Variants in SAMD12 observed in about 807,000 individuals in gnomAD.
The protein encoded by SAMD12 is sterile alpha motif domain containing 12.
SAMD12 carries 9 observed loss-of-function variants against 15.0 expected under a neutral mutation model. The observed-to-expected ratio is 0.60, with a 90% CI of 0.36 to 1.05. The LOEUF (loss-of-function observed/expected upper bound fraction) is 1.05. Among genes scored for constraint, SAMD12 ranks in the 50% least tolerant of loss-of-function variants. The pLI is 0.01. For synonymous variants in SAMD12, 86 were observed against 90.1 expected, an observed-to-expected ratio of 0.96 and a Z score of 0.25; for missense variants, 230 against 234.2, an observed-to-expected ratio of 0.98 and a Z score of 0.12.
chr8:118,193,111 G>C (rs1699837290), exon 5 of SAMD12: 1 of 152,184 alleles, frequency 6.6e-6, no homozygotes, highest in South Asian at 2.1e-4. Flanking sequence ...TTAGATTTTA[G>C]AAACAGTGCT....
At chr8:118,242,524 T>G (rs1232853838) in intron 4 of SAMD12, among the ~76,000 whole-genome samples, 1 of 152,172 alleles carries the variant, frequency 6.6e-6, no homozygotes, top group Non-Finnish European at 1.5e-5. Flanking sequence ...TTATATTAGT[T>G]GTTGTTAATC....
chr8:118,513,663 T>C (rs1018449262), intron 2 of SAMD12, among the ~76,000 whole-genome samples: 31 of 152,028 alleles, frequency 2.0e-4, no homozygotes, highest in Admixed American at 7.9e-4. Context: ...AAGTAGACAG[T>C]TGGGGTTGGG....
chr8:118,255,192 GTGGACCTTACCCTT>G (rs1457696575), intron 4 of SAMD12, among the ~76,000 whole-genome samples: 1 of 151,980 alleles, frequency 6.6e-6, no homozygotes, highest in Non-Finnish European at 1.5e-5. Context: ...AGAGCCAGGT[GTGGACCTTACCCTT>G]TATTTCATAA....
chr8:118,565,742 C>CCT (rs1271320900), intron 2 of SAMD12, among the ~76,000 whole-genome samples: 3 of 152,154 alleles, frequency 2.0e-5, no homozygotes, highest in Non-Finnish European at 2.9e-5. Flanking sequence ...CCTTATTCTC[C>CCT]CTCTCTCTCT....
intron 4 of SAMD12, among the ~76,000 whole-genome samples, chr8:118,276,283 A>G (rs1813471985): frequency 6.6e-6 from 1 of 152,236 alleles, no homozygotes; most frequent in Non-Finnish European, 1.5e-5. Context: ...TGTCTTAAAT[A>G]TTTGGAGCTA....
At chr8:118,544,538 G>A (rs1039214598) in intron 2 of SAMD12, among the ~76,000 whole-genome samples, 3 of 152,234 alleles carry the variant, frequency 2.0e-5, no homozygotes, top group South Asian at 4.1e-4. Context: ...GTCAGTCAAA[G>A]AGTGTACACG....
intron 2 of SAMD12, among the ~76,000 whole-genome samples, chr8:118,579,114 T>C (rs565357198): frequency 6.6e-5 from 10 of 152,322 alleles, no homozygotes; most frequent in Admixed American, 2.0e-4. Flanking sequence ...AAATTTTGTA[T>C]ATTACCAATA....
At chr8:118,598,950 C>A (rs1827789756) in intron 1 of SAMD12, among the ~76,000 whole-genome samples, 1 of 152,188 alleles carries the variant, frequency 6.6e-6, no homozygotes, top group Non-Finnish European at 1.5e-5. Flanking sequence ...ACTCACAATC[C>A]CCAAACTGTG....
chr8:118,239,449 A>T (rs1442372982), intron 4 of SAMD12, among the ~76,000 whole-genome samples: 1 of 152,116 alleles, frequency 6.6e-6, no homozygotes, highest in Non-Finnish European at 1.5e-5. Flanking sequence ...CTCTTCTATT[A>T]CTGAGTACCT....
At chr8:118,611,283 C>T (rs921579216) in intron 1 of SAMD12, among the ~76,000 whole-genome samples, 5 of 151,930 alleles carry the variant, frequency 3.3e-5, no homozygotes, top group African/African-American at 4.8e-5. Context: ...ATCTACTAAA[C>T]GACCACAATG....
At chr8:118,550,742 T>C (rs868213970) in intron 2 of SAMD12, among the ~76,000 whole-genome samples, 30 of 151,486 alleles carry the variant, frequency 2.0e-4, no homozygotes, top group Middle Eastern at 6.8e-3. Flanking sequence ...GCAAATTGGA[T>C]AAAGAGTCAA....
Position 118,266,170 on chromosome 8 carries a change from T to C in SAMD12, c.434-68438A>G, listed in dbSNP as rs183478964. 4.9e-4 allele frequency among the ~76,000 whole-genome samples: 75 copies of C among 152,222 alleles called. 1 individual carries two copies. The highest frequency in any genetic ancestry group is 1.7e-3 in the African/African-American group (72 of 41,544). ...AGATCTTGTGAGAACTCACTCACTATCACGAGAAGAGTATGGAGTAAACTG... is the reference window on the plus strand; with the variant it reads ...AGATCTTGTGAGAACTCACTCACTACCACGAGAAGAGTATGGAGTAAACTG... On this transcript the variant is annotated intron_variant, in intron 4 of 4. Coordinates refer to the SAMD12 transcript ENST00000409003.
At chr8:118,264,519 A>G (rs1813154686) in intron 4 of SAMD12, among the ~76,000 whole-genome samples, 1 of 152,146 alleles carries the variant, frequency 6.6e-6, no homozygotes, top group Admixed American at 6.6e-5. Flanking sequence ...GCTGGCTGGG[A>G]AAACCACTAG....
At position 118,415,819 on chromosome 8, in the gene SAMD12, C is replaced by T. The variant is rs192234175; in HGVS notation, c.322+24013G>A. ...GCAAACCTCCGGGGCACATTCCACA[C>T]GCAGAAGTGGCAGCTCACAGGTTGG... On this transcript the variant is annotated intron_variant, in intron 3 of 3. Transcript: ENST00000314727. 1.3e-3 allele frequency among the ~76,000 whole-genome samples: 194 copies of T among 152,262 alleles called. 1 individual carries two copies. Among genetic ancestry groups the T allele is most frequent in the African/African-American group, 4.5e-3 (186 of 41,552 alleles).
intron 4 of SAMD12, among the ~76,000 whole-genome samples, chr8:118,336,958 C>G (rs1160328272): frequency 6.6e-6 from 1 of 151,970 alleles, no homozygotes; most frequent in Non-Finnish European, 1.5e-5. Context: ...AGGAATTGAA[C>G]AATGAGAGCA....
intron 1 of SAMD12, among the ~76,000 whole-genome samples, chr8:118,583,482 ATCTT>A (rs768117197): frequency 4.4e-4 from 67 of 152,278 alleles, no homozygotes; most frequent in Non-Finnish European, 7.9e-4. Context: ...TGTAGCTTTG[ATCTT>A]TCTGTCTAGC....
intron 2 of SAMD12, among the ~76,000 whole-genome samples, chr8:118,548,172 G>T (rs1350970602): frequency 6.6e-6 from 1 of 152,164 alleles, no homozygotes; most frequent in African/African-American, 2.4e-5. Context: ...TAGTGCTTTT[G>T]CTCTGACAAC....
At chr8:118,213,782 T>A (rs1811893602) in intron 4 of SAMD12, among the ~76,000 whole-genome samples, 1 of 152,196 alleles carries the variant, frequency 6.6e-6, no homozygotes, top group Non-Finnish European at 1.5e-5. Context: ...TGCATGATTA[T>A]TCTACACACT....
At chr8:118,502,248 T>A (rs905255085) in intron 2 of SAMD12, among the ~76,000 whole-genome samples, 3 of 152,168 alleles carry the variant, frequency 2.0e-5, no homozygotes, top group Non-Finnish European at 4.4e-5. Flanking sequence ...TTAGGTTCAA[T>A]ATATAAATAG....
Sources: gnomAD v4.1 joint callset for allele counts (sites outside exome capture counted in the v4.1 genomes callset) on GRCh38, gnomAD v4.1.1 for gene constraint, MANE v1.5 for transcripts, NCBI Gene and HGNC (gene_info 2026-07-23, HGNC 2026-07-21) for gene names.